The following KCNH8 variants were observed in gnomAD, a reference collection of about 807,000 sequenced individuals.
KCNH8 encodes the protein potassium voltage-gated channel subfamily H member 8.
In KCNH8, 70 loss-of-function variants were observed where a neutral mutation model predicts 103.6. The observed-to-expected ratio is 0.68, with a 90% CI of 0.56 to 0.82. The LOEUF is 0.82. Ranked by LOEUF, KCNH8 falls within the 40% of genes least tolerant of loss-of-function variation. KCNH8 has a pLI of 0.00. For synonymous variants in KCNH8, 498 were observed against 489.4 expected, an observed-to-expected ratio of 1.02 and a Z score of -0.23; for missense variants, 1,217 against 1,329.9, an observed-to-expected ratio of 0.92 and a Z score of 1.32.
intron 3 of KCNH8, among the ~76,000 whole-genome samples, chr3:19,292,218 T>C (rs2064938483): frequency 6.6e-6 from 1 of 152,234 alleles, no homozygotes; most frequent in Admixed American, 6.5e-5. Context: ...TTATTCATTA[T>C]GTGATAACAA....
chr3:19,401,287 C>T (rs1421236882), intron 7 of KCNH8, among the ~76,000 whole-genome samples: 1 of 151,942 alleles, frequency 6.6e-6, no homozygotes, highest in Non-Finnish European at 1.5e-5. Flanking sequence ...AGTTAATACT[C>T]CCAGTTGTAA....
intron 5 of KCNH8, among the ~76,000 whole-genome samples, chr3:19,380,664 T>G (rs1007941023): frequency 6.6e-6 from 1 of 152,226 alleles, no homozygotes; most frequent in African/African-American, 2.4e-5. Context: ...AACCCTATTT[T>G]GCTTCCCAAC....
intron 11 of KCNH8, among the ~76,000 whole-genome samples, chr3:19,457,335 G>T (rs930706735): frequency 2.6e-5 from 4 of 151,896 alleles, no homozygotes; most frequent in Admixed American, 6.6e-5. Context: ...GGTTCAGTTT[G>T]CTGTGTTTGT....
At chr3:19,378,081 C>A (rs1268686828) in intron 5 of KCNH8, among the ~76,000 whole-genome samples, 1 of 152,058 alleles carries the variant, frequency 6.6e-6, no homozygotes, top group Non-Finnish European at 1.5e-5. Flanking sequence ...CTTAGATAAT[C>A]ATTTAGGGAC....
chr3:19,392,330 A>AG (rs1424666101), intron 6 of KCNH8, among the ~76,000 whole-genome samples: 8 of 150,510 alleles, frequency 5.3e-5, no homozygotes, highest in Non-Finnish European at 7.4e-5. Flanking sequence ...AAAAAAAAAA[A>AG]AAAAGAAAAG....
chr3:19,309,909 C>T (rs1374247637), intron 3 of KCNH8, among the ~76,000 whole-genome samples: 1 of 151,996 alleles, frequency 6.6e-6, no homozygotes, highest in African/African-American at 2.4e-5. Flanking sequence ...ATTGGTGGGT[C>T]AAGTGTCTCA....
At chr3:19,192,887 G>A (rs1028830117) in intron 1 of KCNH8, among the ~76,000 whole-genome samples, 2 of 151,464 alleles carry the variant, frequency 1.3e-5, no homozygotes, top group African/African-American at 4.8e-5. Flanking sequence ...TGAAATTCTT[G>A]TAGCAGGTGT....
chr3:19,302,167 C>G (rs2065071647), intron 3 of KCNH8, among the ~76,000 whole-genome samples: 1 of 152,150 alleles, frequency 6.6e-6, no homozygotes, highest in Non-Finnish European at 1.5e-5. Flanking sequence ...ACCCTCCAAT[C>G]AAGTGATTGG....
intron 11 of KCNH8, among the ~76,000 whole-genome samples, chr3:19,499,133 C>T (rs1045637264): frequency 4.6e-5 from 7 of 152,120 alleles, no homozygotes; most frequent in African/African-American, 9.6e-5. Flanking sequence ...TCGAGAACTA[C>T]GTGAGGAATG....
chr3:19,404,846 A>G (rs1383167606), intron 7 of KCNH8, among the ~76,000 whole-genome samples: 1 of 151,968 alleles, frequency 6.6e-6, no homozygotes. Flanking sequence ...AATTAAATAT[A>G]GCATTTTAAT....
At chr3:19,396,956 G>C (rs886545106) in intron 7 of KCNH8, among the ~76,000 whole-genome samples, 2 of 151,830 alleles carry the variant, frequency 1.3e-5, no homozygotes, top group African/African-American at 2.4e-5. Context: ...ATATTAATTT[G>C]TAAGTCTCGT....
At chr3:19,255,850 T>G (rs975358820) in intron 2 of KCNH8, among the ~76,000 whole-genome samples, 14 of 152,096 alleles carry the variant, frequency 9.2e-5, no homozygotes, top group African/African-American at 3.1e-4. Context: ...AAAACCAGTT[T>G]CAACCATTTG....
chr3:19,459,837 A>G (rs896969437), intron 11 of KCNH8, among the ~76,000 whole-genome samples: 1 of 152,264 alleles, frequency 6.6e-6, no homozygotes, highest in Admixed American at 6.5e-5. Flanking sequence ...TATCTTTGAT[A>G]AAATTTTCAT....
At chr3:19,453,703 C>T (rs999107493) in intron 10 of KCNH8, among the ~76,000 whole-genome samples, 1 of 152,126 alleles carries the variant, frequency 6.6e-6, no homozygotes, top group African/African-American at 2.4e-5. Context: ...AGAGAGCTAC[C>T]TTGCCCTTTC....
intron 2 of KCNH8, among the ~76,000 whole-genome samples, chr3:19,273,156 A>G (rs1311819465): frequency 6.6e-6 from 1 of 152,174 alleles, no homozygotes; most frequent in Non-Finnish European, 1.5e-5. Flanking sequence ...AATTATTCTC[A>G]TTGCTCTGCA....
chr3:19,518,903 G>A (rs900164100), intron 15 of KCNH8, among the ~76,000 whole-genome samples: 1 of 151,958 alleles, frequency 6.6e-6, no homozygotes, highest in African/African-American at 2.4e-5. Flanking sequence ...AACAAGTTCT[G>A]AGACTATATG....
At chr3:19,259,263 C>T (rs1002359566) in intron 2 of KCNH8, among the ~76,000 whole-genome samples, 7 of 151,234 alleles carry the variant, frequency 4.6e-5, no homozygotes, top group Non-Finnish European at 1.0e-4. Context: ...AAAACTAAGC[C>T]ACTACCATGA....
intron 14 of KCNH8, among the ~76,000 whole-genome samples, chr3:19,517,500 A>G (rs1056010585): frequency 6.6e-6 from 1 of 152,042 alleles, no homozygotes; most frequent in South Asian, 2.1e-4. Flanking sequence ...AAACTGGGAG[A>G]AATTACCCTT....
chr3:19,473,068 A>G (rs921107562), intron 11 of KCNH8, among the ~76,000 whole-genome samples: 1 of 152,220 alleles, frequency 6.6e-6, no homozygotes, highest in Non-Finnish European at 1.5e-5. Flanking sequence ...ATATCCAAGT[A>G]GTTTACTGCC....
Sources: gnomAD v4.1 joint callset for allele counts (sites outside exome capture counted in the v4.1 genomes callset) on GRCh38, gnomAD v4.1.1 for gene constraint, MANE v1.5 for transcripts, NCBI Gene and HGNC (gene_info 2026-07-23, HGNC 2026-07-21) for gene names.